PTPRG: variants seen among roughly 807,000 people sequenced by gnomAD.
PTPRG encodes the protein receptor-type tyrosine-protein phosphatase gamma.
PTPRG carries 102 observed loss-of-function variants against 165.3 expected under a neutral mutation model. The observed-to-expected ratio is 0.62, with a 90% CI of 0.53 to 0.73. The LOEUF (loss-of-function observed/expected upper bound fraction) is 0.73. Ranked by LOEUF, PTPRG falls within the 30% of genes least tolerant of loss-of-function variation. The pLI, the probability that PTPRG is intolerant of heterozygous loss-of-function variation, is 0.00. For synonymous variants in PTPRG, 675 were observed against 669.5 expected (o/e 1.01, Z -0.13); for missense variants, 1,866 against 1,861.4 (o/e 1.00, Z -0.05).
chr3:62,267,524 C>G (rs776285198), intron 18 of PTPRG, 32 bp downstream of exon 18: 4 of 1,573,606 alleles, frequency 2.5e-6, no homozygotes, highest in Non-Finnish European at 3.5e-6. Context: ...AAACCTGTTT[C>G]TAGAAATTGA....
Position 62,268,932 on chromosome 3 carries a change from T to C in PTPRG, c.2875-103T>C, listed in dbSNP as rs1701971843. 3.9e-5 allele frequency: 50 copies of C among 1,278,260 alleles called. No individual in the cohort carries two copies. In the South Asian group the frequency reaches 1.0e-3, roughly 26 times the overall value. 79.2% of individuals were successfully genotyped at this position (1,278,260 alleles called of 1,614,324 possible). Reference sequence around the variant, plus strand: ...CGTATTCCTTTTTCAGTCAACTAAATGGCAATCTCACCTGTGTTTTAACAT... The same window carrying C: ...CGTATTCCTTTTTCAGTCAACTAAACGGCAATCTCACCTGTGTTTTAACAT... On this transcript the variant is annotated intron_variant, in intron 19 of 29. Coordinates refer to ENST00000474889, the MANE Select transcript of PTPRG (RefSeq NM_002841.4).
intron 4 of PTPRG, among the ~76,000 whole-genome samples, chr3:62,061,400 A>G (rs768943378): frequency 2.4e-5 from 2 of 83,094 alleles, no homozygotes; most frequent in Non-Finnish European, 6.6e-5. Context: ...TAACCTGATT[A>G]TTGGTTGACA....
In PTPRG at chr3:62,284,619, T is replaced by A. The variant is rs138003333; in HGVS notation, c.4055+1750T>A. 2.6e-5 allele frequency among the ~76,000 whole-genome samples: 4 copies of A among 152,262 alleles called. No individual in the cohort carries two copies. In the East Asian group the frequency reaches 7.7e-4, roughly 29 times the overall value. On this transcript the variant is annotated intron_variant, in intron 28 of 29. Coordinates refer to ENST00000474889, the MANE Select transcript of PTPRG (RefSeq NM_002841.4). ...AACACCAGTTCCTTTTCAGTTTCCA[T>A]CTTACCTACTTTCTGTACCTCTAAA...
intron 4 of PTPRG, among the ~76,000 whole-genome samples, chr3:62,036,690 T>G (rs1699950177): frequency 1.3e-5 from 2 of 152,180 alleles, no homozygotes; most frequent in Non-Finnish European, 2.9e-5. Context: ...ATGTCCCTAG[T>G]GCAATTTTAT....
At chr3:61,729,503 T>C (rs74865858) in intron 1 of PTPRG, among the ~76,000 whole-genome samples, 2,307 of 152,342 alleles carry the variant, frequency 0.015, 28 homozygotes, top group South Asian at 0.039. Flanking sequence ...TAAGACCTTG[T>C]GACCATAGCA....
chr3:61,862,411 C>T (rs943889458), intron 2 of PTPRG, among the ~76,000 whole-genome samples: 9 of 146,578 alleles, frequency 6.1e-5, no homozygotes, highest in South Asian at 2.2e-4. Flanking sequence ...GATGGAATTC[C>T]GCTGTTGTTG....
At chr3:61,565,512 C>T (rs902073523) in intron 1 of PTPRG, among the ~76,000 whole-genome samples, 3 of 152,066 alleles carry the variant, frequency 2.0e-5, no homozygotes, top group African/African-American at 7.2e-5. Context: ...TGATACATAT[C>T]TCCAATCACT....
intron 5 of PTPRG, among the ~76,000 whole-genome samples, chr3:62,080,664 G>A (rs926665482): frequency 2.0e-5 from 3 of 152,058 alleles, no homozygotes; most frequent in African/African-American, 7.2e-5. Context: ...GTTTTTATGA[G>A]TACTGGAAGG....
intron 1 of PTPRG, among the ~76,000 whole-genome samples, chr3:61,662,806 A>G (rs1360067253): frequency 6.6e-6 from 1 of 152,190 alleles, no homozygotes; most frequent in Non-Finnish European, 1.5e-5. Context: ...CTGTTCCAGT[A>G]GCATTTTAAA....
intron 1 of PTPRG, among the ~76,000 whole-genome samples, chr3:61,625,989 C>A (rs532336225): frequency 6.6e-6 from 1 of 150,774 alleles, no homozygotes; most frequent in South Asian, 2.1e-4. Flanking sequence ...AAATAACTTT[C>A]CTGTCCCAAC....
At chr3:61,777,387 A>G in intron 2 of PTPRG, among the ~76,000 whole-genome samples, 1 of 152,178 alleles carries the variant, frequency 6.6e-6, no homozygotes, top group East Asian at 1.9e-4. Flanking sequence ...AAAGGCAGAG[A>G]AATAAGCTTT....
intron 1 of PTPRG, among the ~76,000 whole-genome samples, chr3:61,616,140 G>T (rs1028400622): frequency 1.3e-5 from 2 of 152,056 alleles, no homozygotes; most frequent in Admixed American, 1.3e-4. Context: ...TAGTAGAGAT[G>T]GGGGTTTCAC....
At chr3:61,780,042 G>T (rs1003080754) in intron 2 of PTPRG, among the ~76,000 whole-genome samples, 1 of 152,178 alleles carries the variant, frequency 6.6e-6, no homozygotes, top group Non-Finnish European at 1.5e-5. Context: ...TCCTGGGAAA[G>T]CCAGACTAAG....
chr3:62,256,261 G>C (rs1003025995), intron 16 of PTPRG, among the ~76,000 whole-genome samples: 1 of 152,140 alleles, frequency 6.6e-6, no homozygotes, highest in Non-Finnish European at 1.5e-5. Context: ...TACCTTGAAT[G>C]AACAATGAGA....
chr3:61,984,833 T>C (rs1343432033), intron 2 of PTPRG, among the ~76,000 whole-genome samples: 1 of 152,246 alleles, frequency 6.6e-6, no homozygotes, highest in Non-Finnish European at 1.5e-5. Flanking sequence ...TTTTAGTCTT[T>C]CTCATGACCT....
chr3:62,147,070 C>T (rs1469162591), intron 6 of PTPRG, among the ~76,000 whole-genome samples: 1 of 152,282 alleles, frequency 6.6e-6, no homozygotes, highest in Admixed American at 6.5e-5. Context: ...AAACCCAGGT[C>T]TTAACAACCT....
chr3:62,179,836 C>G (rs1464932568), intron 8 of PTPRG, among the ~76,000 whole-genome samples: 2 of 152,166 alleles, frequency 1.3e-5, no homozygotes, highest in Non-Finnish European at 2.9e-5. Flanking sequence ...ACCAAATGAT[C>G]AGTTGGTTCA....
At chr3:61,703,677 A>G (rs1302776910) in intron 1 of PTPRG, among the ~76,000 whole-genome samples, 1 of 152,080 alleles carries the variant, frequency 6.6e-6, no homozygotes, top group East Asian at 1.9e-4. Flanking sequence ...TGGTAATCTG[A>G]TGGATGACCC....
At chr3:61,847,863 C>T (rs1013596553) in intron 2 of PTPRG, among the ~76,000 whole-genome samples, 2 of 152,304 alleles carry the variant, frequency 1.3e-5, no homozygotes, top group Admixed American at 6.5e-5. Context: ...TGTCCTGTGA[C>T]GGACGAATTT....
Sources: allele counts gnomAD v4.1 joint callset (sites outside exome capture counted in the v4.1 genomes callset), GRCh38; gene constraint gnomAD v4.1.1; transcripts MANE v1.5; gene names NCBI Gene and HGNC (gene_info 2026-07-23, HGNC 2026-07-21).